Variants in AKAP13 observed in about 807,000 individuals in gnomAD.
The protein encoded by AKAP13 is A-kinase anchor protein 13.
AKAP13 carries 80 observed loss-of-function variants against 264.5 expected under a neutral mutation model. The ratio of observed to expected loss-of-function variants is 0.30; its 90% CI spans 0.25 to 0.36. The LOEUF (loss-of-function observed/expected upper bound fraction) is 0.36. Among genes scored for constraint, AKAP13 ranks in the 10% least tolerant of loss-of-function variants. The pLI, the probability that AKAP13 is intolerant of heterozygous loss-of-function variation, is 1.00. For missense variants in AKAP13, 3,712 were observed against 3,435.2 expected (o/e 1.08, Z -2.01); for synonymous variants, 1,380 against 1,250.2 (o/e 1.10, Z -2.19).
intron 5 of AKAP13, among the ~76,000 whole-genome samples, chr15:85,568,955 A>G (rs1262634364): frequency 6.6e-6 from 1 of 152,212 alleles, no homozygotes; most frequent in African/African-American, 2.4e-5. Flanking sequence ...AATTCAGTCA[A>G]AGTCTGAACT....
intron 1 of AKAP13, among the ~76,000 whole-genome samples, chr15:85,426,133 T>C (rs2072765904): frequency 6.6e-6 from 1 of 152,210 alleles, no homozygotes; most frequent in Non-Finnish European, 1.5e-5. Flanking sequence ...CAGTTTTGGC[T>C]CTTAATCAGG....
chr15:85,652,912 C>T (rs926317326), intron 10 of AKAP13, among the ~76,000 whole-genome samples: 70 of 152,088 alleles, frequency 4.6e-4, no homozygotes, highest in African/African-American at 1.7e-3. Context: ...TTGGATCCAC[C>T]CTACTCCAGT....
In AKAP13 at chr15:85,715,520, G is replaced by A. The variant is rs147787653; in HGVS notation, c.5600-268G>A. Among the ~76,000 whole-genome samples, 23 of 152,164 alleles carry A rather than the reference G, an allele frequency of 1.5e-4. No individual in the cohort carries two copies. In the East Asian group the frequency reaches 4.5e-3, roughly 30 times the overall value. On this transcript the variant is annotated intron_variant, in intron 19 of 36. Coordinates refer to ENST00000394518, the MANE Select transcript of AKAP13 (RefSeq NM_007200.5). ...TTATCACCAAACTATCCTCCATGGA[G>A]TTTTTATACAAACTTACAGTTCCAG...
chr15:85,433,303 T>G (rs74964891), intron 1 of AKAP13, among the ~76,000 whole-genome samples: 19,367 of 152,124 alleles, frequency 0.13, 1,607 homozygotes, highest in Non-Finnish European at 0.19. Context: ...GATTAAAGTT[T>G]GAACGTTTTC....
intron 1 of AKAP13, among the ~76,000 whole-genome samples, chr15:85,387,263 G>C (rs952369916): frequency 3.9e-5 from 6 of 152,110 alleles, no homozygotes; most frequent in African/African-American, 1.4e-4. Context: ...TTTAGCCCGG[G>C]AGATGGAGGT....
chr15:85,690,568 G>A (rs941343969), intron 16 of AKAP13, among the ~76,000 whole-genome samples: 2 of 152,200 alleles, frequency 1.3e-5, no homozygotes, highest in Non-Finnish European at 2.9e-5. Flanking sequence ...CAAAAGTGTA[G>A]TAATTTGGCT....
rs1451383316 is a variant in AKAP13 at position 85,664,601 on chromosome 15, G to C, written c.4838G>C (p.Gly1613Ala). 1 of 1,613,422 alleles carries C rather than the reference G, an allele frequency of 6.2e-7. No individual in the cohort carries two copies. Among genetic ancestry groups the C allele is most frequent in the Non-Finnish European group, 8.5e-7 (1 of 1,179,688 alleles). The change falls in exon 13 of 37, where the codon GGA becomes GCA. Residue 1613 changes from glycine (G) to alanine (A), a missense_variant. By Grantham distance (60) the Gly-to-Ala change is moderately conservative (BLOSUM62 0). Transcript: ENST00000394518. ...GGCTTGACAGGAGGAGCTGGTGTCGGAAACAAGCCATCCTCATCTCTAGAA... is the reference window on the plus strand; with the variant it reads ...GGCTTGACAGGAGGAGCTGGTGTCGCAAACAAGCCATCCTCATCTCTAGAA... The part of the protein sequence containing the change: ...LEGLTGGAGV[G>A]NKPSSSLEVS...
chr15:85,484,521 A>G (rs2075466028), intron 1 of AKAP13, among the ~76,000 whole-genome samples: 1 of 152,204 alleles, frequency 6.6e-6, no homozygotes, highest in Non-Finnish European at 1.5e-5. Flanking sequence ...TCAGTTTTCT[A>G]CTGCGTTGTC....
At chr15:85,646,190 C>G (rs921556686) in intron 10 of AKAP13, among the ~76,000 whole-genome samples, 2 of 152,258 alleles carry the variant, frequency 1.3e-5, no homozygotes, top group Non-Finnish European at 1.5e-5. Flanking sequence ...GAAAAAGGCA[C>G]TGGGCTGGGC....
intron 8 of AKAP13, among the ~76,000 whole-genome samples, chr15:85,627,104 T>C (rs796531177): frequency 6.6e-5 from 10 of 152,266 alleles, no homozygotes; most frequent in African/African-American, 2.2e-4. Flanking sequence ...ATGCCACCTT[T>C]AGTGTGTCTT....
In AKAP13 at chr15:85,718,326, C is replaced by G. The variant is rs1035043416; in HGVS notation, c.6001+167C>G. Among the ~76,000 whole-genome samples, 1 of 152,180 alleles carries G rather than the reference C, an allele frequency of 6.6e-6. No individual in the cohort carries two copies. The highest frequency in any genetic ancestry group is 2.4e-5 in the African/African-American group (1 of 41,438). On this transcript the variant is annotated intron_variant, in intron 22 of 36. Transcript: ENST00000394518. The surrounding 1 kb of genome is among the most constrained non-coding windows in gnomAD (Gnocchi z 4.9). ...AGACGTGGTCCTGTTGGTATCCTAT[C>G]TCCTTTTTGCCCCACTCTTCTGTTT...
At chr15:85,577,693 A>G in intron 6 of AKAP13, 4 of 628,032 alleles carry the variant, frequency 6.4e-6, no homozygotes, top group Non-Finnish European at 7.9e-6. Context: ...TATCCATAAT[A>G]TACTCTGACA....
intron 8 of AKAP13, among the ~76,000 whole-genome samples, chr15:85,634,391 C>G (rs1397653650): frequency 2.0e-5 from 3 of 152,152 alleles, no homozygotes; most frequent in Non-Finnish European, 4.4e-5. Flanking sequence ...TTTGAGCATA[C>G]AAATATTCAC....
chr15:85,387,612 A>C (rs1460445856), intron 1 of AKAP13, among the ~76,000 whole-genome samples: 4 of 152,130 alleles, frequency 2.6e-5, no homozygotes, highest in Admixed American at 1.3e-4. Context: ...GGCATGACCC[A>C]CCATGCCCAG....
At chr15:85,435,910 A>G (rs1187174153) in intron 1 of AKAP13, among the ~76,000 whole-genome samples, 3 of 144,302 alleles carry the variant, frequency 2.1e-5, no homozygotes, top group East Asian at 4.2e-4. Context: ...TGCATCAACT[A>G]ACGAGCAAAA....
rs147668492 is a variant in AKAP13, at chr15:85,640,524, A to T, written c.4237+1075A>T. ...AAAGGAAATATTGAAAACAAATATG[A>T]GAAGTGTTTTTCTCTATTTTTGTCT... On this transcript the variant is annotated intron_variant, in intron 9 of 36. Coordinates refer to ENST00000394518, the MANE Select transcript of AKAP13 (RefSeq NM_007200.5). 9.2e-3 allele frequency among the ~76,000 whole-genome samples: 1,403 copies of T among 152,266 alleles called. 3 individuals carry two copies. Among genetic ancestry groups the T allele is most frequent in the Non-Finnish European group, 0.015 (1,015 of 68,026 alleles).
At chr15:85,489,580 G>C (rs1192026553) in intron 2 of AKAP13, among the ~76,000 whole-genome samples, 1 of 152,188 alleles carries the variant, frequency 6.6e-6, no homozygotes, top group East Asian at 1.9e-4. Context: ...AACAAAGACT[G>C]TGAAGATTTT....
chr15:85,627,553 C>T (rs2081479170), intron 8 of AKAP13: 1 of 152,188 alleles, frequency 6.6e-6, no homozygotes, highest in African/African-American at 2.4e-5. Context: ...TAGTACTGAT[C>T]TTTTTACTAC....
intron 5 of AKAP13, among the ~76,000 whole-genome samples, chr15:85,570,020 T>C (rs1425461640): frequency 1.5e-5 from 2 of 132,338 alleles, no homozygotes; most frequent in Non-Finnish European, 3.1e-5. Flanking sequence ...GAGCTTGCGG[T>C]GAGCCGAGAT....
Sources: allele counts gnomAD v4.1 joint callset (sites outside exome capture counted in the v4.1 genomes callset), GRCh38; gene constraint gnomAD v4.1.1; non-coding constraint Gnocchi (gnomAD v3.1); transcripts MANE v1.5; gene names NCBI Gene and HGNC (gene_info 2026-07-23, HGNC 2026-07-21).